The following PPARG variants were observed in gnomAD, a reference collection of about 807,000 sequenced individuals.
PPARG encodes peroxisome proliferator activated receptor gamma.
In PPARG, 17 loss-of-function variants were observed where a neutral mutation model predicts 39.2. That is an observed-to-expected ratio of 0.43 (90% confidence interval 0.30 to 0.65). The LOEUF (loss-of-function observed/expected upper bound fraction) is 0.65. PPARG is among the 30% of genes least tolerant of loss of function. The pLI is 0.13. For synonymous variants in PPARG, 223 were observed against 215.7 expected (o/e 1.03, Z -0.30); for missense variants, 406 against 585.9 (o/e 0.69, Z 3.17).
At chr3:12,371,866 CTTGTCTCT>C (rs1559512020) in intron 2 of PPARG, 1 of 695,086 alleles carries the variant, frequency 1.4e-6, no homozygotes, top group East Asian at 2.7e-5. Flanking sequence ...CAGGATGATT[CTTGTCTCT>C]GGATGTCGCT....
chr3:12,337,709 C>G (rs888892764), intron 2 of PPARG, among the ~76,000 whole-genome samples: 3 of 152,150 alleles, frequency 2.0e-5, no homozygotes, highest in Non-Finnish European at 4.4e-5. Flanking sequence ...CCCCTGCCCC[C>G]ATTCATGGGT....
intron 1 of PPARG, among the ~76,000 whole-genome samples, chr3:12,297,470 T>C (rs1389039902): frequency 6.6e-6 from 1 of 152,212 alleles, no homozygotes; most frequent in Non-Finnish European, 1.5e-5. Context: ...AGCATACATT[T>C]ATAGCTTTTT....
chr3:12,312,914 G>A (rs887844404), intron 2 of PPARG, among the ~76,000 whole-genome samples: 15 of 152,172 alleles, frequency 9.9e-5, no homozygotes, highest in Admixed American at 2.6e-4. Context: ...AGGAAGAATT[G>A]CTAAGTTATA....
chr3:12,295,505 CA>C (rs201980058), intron 1 of PPARG, among the ~76,000 whole-genome samples: 24 of 119,254 alleles, frequency 2.0e-4, no homozygotes, highest in Non-Finnish European at 2.6e-4. Context: ...CAAGAAGGTT[CA>C]AAAAAAAATT....
chr3:12,388,177 T>G (rs1414843803), intron 4 of PPARG, among the ~76,000 whole-genome samples: 1 of 152,196 alleles, frequency 6.6e-6, no homozygotes, highest in East Asian at 1.9e-4. Flanking sequence ...AAAAAACTTT[T>G]TGATATCTGA....
intron 2 of PPARG, among the ~76,000 whole-genome samples, chr3:12,323,047 C>G (rs1028637923): frequency 6.6e-6 from 1 of 152,084 alleles, no homozygotes; most frequent in South Asian, 2.1e-4. Flanking sequence ...CTCAAGCCAT[C>G]CTCCCACCTC....
At chr3:12,393,038 A>G (rs954535087) in intron 5 of PPARG, among the ~76,000 whole-genome samples, 1 of 152,208 alleles carries the variant, frequency 6.6e-6, no homozygotes, top group African/African-American at 2.4e-5. Context: ...AATGATCATC[A>G]TGATTAATTT....
At chr3:12,336,391 C>G (rs1297555851) in intron 2 of PPARG, among the ~76,000 whole-genome samples, 1 of 151,892 alleles carries the variant, frequency 6.6e-6, no homozygotes, top group Non-Finnish European at 1.5e-5. Flanking sequence ...GAGTTTTCAC[C>G]TCTTGATACT....
At chr3:12,313,138 T>A (rs1195472938) in intron 2 of PPARG, among the ~76,000 whole-genome samples, 1 of 152,234 alleles carries the variant, frequency 6.6e-6, no homozygotes, top group Non-Finnish European at 1.5e-5. Context: ...TTTAGGACTA[T>A]TGATTTTGGT....
chr3:12,433,962 G>A lies in PPARG; in HGVS notation c.1245G>A (p.Leu415=). Residue 415 remains leucine (L), a synonymous_variant, in exon 8 of 8, where the codon CTG becomes CTA. Transcript: ENST00000651735. ...EDIQDNLLQA[L]ELQLKLNHPE... is the part of the protein sequence containing the mutation. The stretch of plus-strand genomic sequence containing the variant: ...TTCAAGACAACCTGCTACAAGCCCT[G>A]GAGCTCCAGCTGAAGCTGAACCACC... 6.2e-7 allele frequency: 1 copy of A among 1,614,216 alleles called. No homozygotes were observed. The highest frequency in any genetic ancestry group is 8.5e-7 in the Non-Finnish European group (1 of 1,180,032).
chr3:12,415,851 A>T (rs1245785501), intron 6 of PPARG, among the ~76,000 whole-genome samples: 1 of 152,164 alleles, frequency 6.6e-6, no homozygotes, highest in African/African-American at 2.4e-5. Flanking sequence ...ACATAGTTTC[A>T]TTTGAGATCT....
chr3:12,288,259 C>T (rs17029009), upstream of PPARG, among the ~76,000 whole-genome samples: 2,448 of 151,876 alleles, frequency 0.016, 67 homozygotes, highest in East Asian at 0.11. Context: ...GGGCGGGCGG[C>T]TCACGGGTGA....
chr3:12,384,728 T>C (rs1307184073), intron 4 of PPARG, among the ~76,000 whole-genome samples: 1 of 152,180 alleles, frequency 6.6e-6, no homozygotes, highest in African/African-American at 2.4e-5. Context: ...TATTACTTTT[T>C]TCACTTTCAT....
At chr3:12,331,060 A>C (rs1426994938) in intron 2 of PPARG, among the ~76,000 whole-genome samples, 1 of 152,344 alleles carries the variant, frequency 6.6e-6, no homozygotes, top group South Asian at 2.1e-4. Context: ...TAACACAGCA[A>C]GTTAAAACCA....
At chr3:12,348,780 G>C (rs937094113) in intron 2 of PPARG, among the ~76,000 whole-genome samples, 1 of 152,228 alleles carries the variant, frequency 6.6e-6, no homozygotes, top group African/African-American at 2.4e-5. Flanking sequence ...GCAATAGACT[G>C]CTGCATTGAC....
intron 4 of PPARG, among the ~76,000 whole-genome samples, chr3:12,382,022 A>G (rs1355441898): frequency 6.6e-6 from 1 of 152,180 alleles, no homozygotes; most frequent in Non-Finnish European, 1.5e-5. Flanking sequence ...CCCTAGAGCA[A>G]TCCTATAAGA....
chr3:12,419,245 G>A (rs1276309013), intron 7 of PPARG, among the ~76,000 whole-genome samples: 4 of 151,680 alleles, frequency 2.6e-5, no homozygotes, highest in Non-Finnish European at 5.9e-5. Flanking sequence ...ATGCCCGGCC[G>A]ACGTTATGTT....
At chr3:12,351,482 G>T in intron 2 of PPARG, 1 of 797,300 alleles carries the variant, frequency 1.3e-6, no homozygotes. Flanking sequence ...ACTCATGGGT[G>T]TATTCACAAA....
At chr3:12,343,823 C>A (rs758053838) in intron 2 of PPARG, among the ~76,000 whole-genome samples, 6 of 148,542 alleles carry the variant, frequency 4.0e-5, no homozygotes, top group South Asian at 4.2e-4. Context: ...GAGCTTGTTT[C>A]CTTTTTGTGA....
Sources: gnomAD v4.1 joint callset for allele counts (sites outside exome capture counted in the v4.1 genomes callset) on GRCh38, gnomAD v4.1.1 for gene constraint, MANE v1.5 for transcripts, NCBI Gene and HGNC (gene_info 2026-07-23, HGNC 2026-07-21) for gene names.